The following CASD1 variants were observed in gnomAD, a reference collection of about 807,000 sequenced individuals.
The protein encoded by CASD1 is CAS1 domain sialic acid O acetyltransferase 1.
In CASD1, 41 loss-of-function variants were observed where a neutral mutation model predicts 100.0. The ratio of observed to expected loss-of-function variants is 0.41; its 90% CI spans 0.32 to 0.53. The LOEUF (loss-of-function observed/expected upper bound fraction) is 0.53. CASD1 is among the 20% of genes least tolerant of loss of function. CASD1 has a pLI of 0.25. For synonymous variants in CASD1, 321 were observed against 315.6 expected (o/e 1.02, Z -0.18); for missense variants, 774 against 948.7 (o/e 0.82, Z 2.42).
At chr7:94,559,058 C>A (rs1796294529), downstream of CASD1, among the ~76,000 whole-genome samples, 1 of 152,114 alleles carries the variant, frequency 6.6e-6, no homozygotes, top group South Asian at 2.1e-4. Context: ...CCTCAGCCTC[C>A]CAAAGTGCTG....
At chr7:94,537,948 T>G (rs1296378805) in intron 9 of CASD1, 54 bp downstream of exon 9, 2 of 981,924 alleles carry the variant, frequency 2.0e-6, no homozygotes, top group East Asian at 4.8e-5. Flanking sequence ...CATTACATAC[T>G]CTGTGTTAAA....
the CASD1 span, among the ~76,000 whole-genome samples, chr7:94,633,869 T>C: frequency 1.1e-4 from 16 of 152,198 alleles, no homozygotes; most frequent in African/African-American, 3.4e-4. Flanking sequence ...TAATGGCATG[T>C]GCATAAGCAC....
intron 4 of CASD1, 129 bp downstream of exon 4, chr7:94,527,335 G>GGAGACAGAGAAA: frequency 1.5e-6 from 1 of 648,282 alleles, no homozygotes; most frequent in South Asian, 2.8e-5. Flanking sequence ...TGGAATAAAA[G>GGAGACAGAGAAA]TTTGTGTGAG....
chr7:94,522,778 C>T (rs1584385408), intron 3 of CASD1, among the ~76,000 whole-genome samples: 1 of 152,090 alleles, frequency 6.6e-6, no homozygotes, highest in East Asian at 1.9e-4. Flanking sequence ...CCGCCTCAGC[C>T]TCCCCAGTAG....
the CASD1 span, chr7:94,590,407 T>C: frequency 6.6e-6 from 1 of 152,174 alleles, no homozygotes; most frequent in Non-Finnish European, 1.5e-5. Context: ...TAATATTTAA[T>C]TGCCCCAAAG....
chr7:94,623,271 CAT>C, the CASD1 span: 1 of 1,107,152 alleles, frequency 9.0e-7, no homozygotes, highest in Non-Finnish European at 1.3e-6. Context: ...AGTTATAAAA[CAT>C]AATGAAATAC....
intron 3 of CASD1, among the ~76,000 whole-genome samples, chr7:94,520,916 A>G (rs955014283): frequency 2.0e-5 from 3 of 152,074 alleles, no homozygotes; most frequent in Non-Finnish European, 4.4e-5. Flanking sequence ...ACACGGTGAA[A>G]CCCCATCTCT....
the CASD1 span, chr7:94,603,518 C>CTTT: frequency 6.8e-7 from 1 of 1,473,798 alleles, no homozygotes; most frequent in Non-Finnish European, 9.4e-7. Context: ...AACAATCCAC[C>CTTT]TTAAAAGCAG....
the CASD1 span, among the ~76,000 whole-genome samples, chr7:94,604,835 AT>A: frequency 1.5e-5 from 1 of 68,792 alleles, no homozygotes; most frequent in Non-Finnish European, 3.2e-5. Context: ...ATATATATAT[AT>A]ATATATATAT....
At chr7:94,602,414 GCTCT>G in the CASD1 span, among the ~76,000 whole-genome samples, 22 of 152,066 alleles carry the variant, frequency 1.4e-4, no homozygotes, top group Non-Finnish European at 3.1e-4. Context: ...GATGCAGCTG[GCTCT>G]CTAAGACATG....
At chr7:94,587,251 C>T in the CASD1 span, 3 of 985,666 alleles carry the variant, frequency 3.0e-6, no homozygotes, top group Non-Finnish European at 3.6e-6. Flanking sequence ...GCTAAAAAAT[C>T]TATGTGACTA....
chr7:94,536,280 C>G (rs921978662), intron 8 of CASD1, among the ~76,000 whole-genome samples: 2 of 152,096 alleles, frequency 1.3e-5, no homozygotes, highest in East Asian at 1.9e-4. Context: ...CTCTTCTATC[C>G]TAAGCATTAT....
the CASD1 span, chr7:94,628,137 TACACACACACACAC>T: frequency 1.3e-5 from 13 of 991,934 alleles, no homozygotes; most frequent in Non-Finnish European, 1.7e-5. Context: ...CAAATTACAA[TACACACACACACAC>T]ACACACACAC....
the CASD1 span, among the ~76,000 whole-genome samples, chr7:94,578,421 TGA>T: frequency 6.6e-6 from 1 of 152,176 alleles, no homozygotes; most frequent in East Asian, 1.9e-4. Context: ...TTCATGTTCT[TGA>T]GAGTCAAGTG....
At chr7:94,558,795 T>A (rs538823200), downstream of CASD1, among the ~76,000 whole-genome samples, 9 of 152,244 alleles carry the variant, frequency 5.9e-5, no homozygotes, top group East Asian at 1.9e-4. Context: ...TCTTATTTTA[T>A]TTAATTAATT....
At chr7:94,605,223 G>A in the CASD1 span, among the ~76,000 whole-genome samples, 1 of 152,028 alleles carries the variant, frequency 6.6e-6, no homozygotes, top group Admixed American at 6.6e-5. Flanking sequence ...AAACAACTAT[G>A]ACTAATATGC....
At chr7:94,518,417 C>G in intron 3 of CASD1, 94 bp downstream of exon 3, 1 of 1,095,586 alleles carries the variant, frequency 9.1e-7, no homozygotes, top group Non-Finnish European at 1.3e-6. Context: ...TGAGTAGGAG[C>G]TGAAAAAATT....
In CASD1 at chr7:94,555,620, T is replaced by C. The variant is rs1231476109; in HGVS notation, c.2256T>C (p.Ile752=). 9 of 1,613,472 alleles carry C rather than the reference T, an allele frequency of 5.6e-6. No individual in the cohort carries two copies. Among genetic ancestry groups the C allele is most frequent in the Non-Finnish European group, 7.6e-6 (9 of 1,179,690 alleles). The change falls in exon 18 of 18, where the codon ATT becomes ATC. Residue 752 remains isoleucine, a synonymous_variant. Coordinates refer to ENST00000297273, the MANE Select transcript of CASD1 (RefSeq NM_022900.5). ...TATTTGTTTGTGTGGCACATGAAAT[T>C]TCTCAGATCACTAATGATCTTGCAC... is the stretch of plus-strand genomic sequence containing the variant. ...TFIFVCVAHE[I]SQITNDLAQI... is the part of the protein sequence containing the mutation.
chr7:94,595,196 C>T, the CASD1 span, among the ~76,000 whole-genome samples: 1 of 152,042 alleles, frequency 6.6e-6, no homozygotes, highest in Non-Finnish European at 1.5e-5. Context: ...AACATTCTAC[C>T]AAAAAGAAAA....
Sources: gnomAD v4.1 joint callset for allele counts (sites outside exome capture counted in the v4.1 genomes callset) on GRCh38, gnomAD v4.1.1 for gene constraint, MANE v1.5 for transcripts, NCBI Gene and HGNC (gene_info 2026-07-23, HGNC 2026-07-21) for gene names.